The following ABCC6 variants were observed in gnomAD, a reference collection of about 807,000 sequenced individuals.
The protein encoded by ABCC6 is ATP binding cassette subfamily C member 6.
ABCC6 carries 126 observed loss-of-function variants against 169.5 expected under a neutral mutation model. The observed-to-expected ratio is 0.74, with a 90% CI of 0.64 to 0.86. The LOEUF (loss-of-function observed/expected upper bound fraction) is 0.86. Among genes scored for constraint, ABCC6 ranks in the 40% least tolerant of loss-of-function variants. The pLI, the probability that ABCC6 is intolerant of heterozygous loss-of-function variation, is 0.00. For synonymous variants in ABCC6, 752 were observed against 814.7 expected (o/e 0.92, Z 1.31); for missense variants, 1,733 against 1,927.2 (o/e 0.90, Z 1.89).
chr16:16,162,465 C>A (rs145894774), intron 24 of ABCC6, among the ~76,000 whole-genome samples: 5 of 152,330 alleles, frequency 3.3e-5, no homozygotes, highest in Non-Finnish European at 7.3e-5. Context: ...AATTAATCTA[C>A]ATAGATTGCT....
intron 13 of ABCC6, 63 bp downstream of exon 13, chr16:16,188,768 G>A: frequency 6.4e-7 from 1 of 1,565,146 alleles, no homozygotes; most frequent in Non-Finnish European, 8.7e-7. Flanking sequence ...GGGTAGGGAA[G>A]CTGGAGCCAG....
chr16:16,206,739 G>A lies in ABCC6; in HGVS notation c.794+1989C>T, dbSNP rs1024882111. On this transcript the variant is annotated intron_variant, in intron 7 of 30. Transcript: ENST00000205557. ...TTTCTACCCTTTAGTTCTAGTGTTG[G>A]GTGACCTGTAATTTTCATGTTGGCT... 5.3e-5 allele frequency among the ~76,000 whole-genome samples: 8 copies of A among 152,016 alleles called. 1 individual carries two copies. The highest frequency in any genetic ancestry group is 9.7e-5 in the African/African-American group (4 of 41,370).
chr16:16,170,098 GT>G (rs386384362), intron 21 of ABCC6, among the ~76,000 whole-genome samples: 1 of 149,628 alleles, frequency 6.7e-6, no homozygotes, highest in African/African-American at 2.5e-5. Context: ...TTTTTCTTTT[GT>G]TTTTTTTTTG....
chr16:16,159,621 G>A (rs914524231), intron 25 of ABCC6, 38 bp from the exon 26 acceptor site: 1 of 1,591,872 alleles, frequency 6.3e-7, no homozygotes, highest in Non-Finnish European at 8.6e-7. Context: ...GTTTGGCAAG[G>A]CCACTTGAGG....
Position 16,213,152 on chromosome 16 carries a change from ATAGCTCACTGCAGCCTT to A in ABCC6, c.601-923_601-907del, listed in dbSNP as rs1405808717. Among the ~76,000 whole-genome samples the A allele has an allele frequency of 4.0e-5, 6 of 149,548 alleles. No homozygotes were observed. In the South Asian group the frequency reaches 1.3e-3, roughly 32 times the overall value. ...CAGGCTGGAGTGCAATGGTGCAATC[ATAGCTCACTGCAGCCTT>A]TATCTCTTGGATTCAAGCAATCCTC... On this transcript the variant is annotated intron_variant, in intron 5 of 30. Coordinates refer to ENST00000205557, the MANE Select transcript of ABCC6 (RefSeq NM_001171.6).
chr16:16,197,984 G>A (rs769481938), intron 10 of ABCC6, 37 bp downstream of exon 10: 7 of 1,594,064 alleles, frequency 4.4e-6, no homozygotes, highest in Admixed American at 3.4e-5. Flanking sequence ...GGGGGTGGGG[G>A]ACTCCGTTCA....
In ABCC6 at chr16:16,169,698, C is replaced by T. The variant is rs368465318; in HGVS notation, c.2943G>A (p.Gln981=). The T allele has an allele frequency of 3.7e-6, 6 of 1,611,540 alleles. No individual in the cohort carries two copies. The African/African-American group carries it at 8.0e-5, about 21-fold the overall frequency. ...WADDPAVGGQ[Q]TQAALRGGIF... is the part of the protein sequence containing the mutation. ...TCCCGCCACGCAGGGCTGCCTGCGT[C>T]TGCTGCCCACCTACTGCAGGGTCGT... The change falls in exon 22 of 31, where the codon CAG becomes CAA. Residue 981 remains glutamine, a synonymous_variant. Transcript: ENST00000205557.
Position 16,163,197 on chromosome 16 carries a change from G to A in ABCC6, c.3307-5C>T, listed in dbSNP as rs781312345. 23 of 1,612,920 alleles carry A rather than the reference G, an allele frequency of 1.4e-5. No homozygotes were observed. The highest frequency in any genetic ancestry group is 1.8e-5 in the Non-Finnish European group (21 of 1,179,914). On this transcript the variant is annotated splice_region_variant and splice_polypyrimidine_tract_variant and intron_variant, in intron 23 of 30. Coordinates refer to ENST00000205557, the MANE Select transcript of ABCC6 (RefSeq NM_001171.6). ...TGAGCTAACCACATACAGGCTCTGA[G>A]AAGGATGGATGGGAGAGGGAAGAGG... is the stretch of plus-strand genomic sequence containing the variant.
At position 16,184,874 on chromosome 16, in the gene ABCC6, C is replaced by T. The variant is rs2047597040; in HGVS notation, c.1943+85G>A. The T allele has an allele frequency of 9.0e-6, 13 of 1,437,802 alleles. No homozygotes were observed. The Admixed American group carries it at 2.0e-4, about 22-fold the overall frequency. 89.1% of individuals were successfully genotyped at this position (1,437,802 alleles called of 1,614,324 possible). On this transcript the variant is annotated intron_variant, in intron 15 of 30. Coordinates refer to ENST00000205557, the MANE Select transcript of ABCC6 (RefSeq NM_001171.6). Reference sequence around the variant, plus strand: ...CCAGTCCCAGGCTGGAAACCTACACCACCTCTCAGGTGGGAGGCAGCAGGA... The same window carrying T: ...CCAGTCCCAGGCTGGAAACCTACACTACCTCTCAGGTGGGAGGCAGCAGGA...
At chr16:16,187,946 A>T (rs1184284869) in intron 13 of ABCC6, among the ~76,000 whole-genome samples, 1 of 142,706 alleles carries the variant, frequency 7.0e-6, no homozygotes, top group East Asian at 2.1e-4. Flanking sequence ...TAAATAAATA[A>T]GGCGGCCAGG....
chr16:16,174,770 G>A (rs868490428), intron 20 of ABCC6, among the ~76,000 whole-genome samples: 14 of 75,202 alleles, frequency 1.9e-4, no homozygotes, highest in South Asian at 8.0e-4. Context: ...ACCCCCCCCC[G>A]CAAAAAACAA....
Position 16,169,675 on chromosome 16 carries a change from C to G in ABCC6, c.2966G>C (p.Gly989Ala). Residue 989 changes from glycine to alanine, a missense_variant, in exon 22 of 31, where the codon GGG becomes GCG. By Grantham distance (60) the Gly-to-Ala change is moderately conservative. This residue lies in a region of ABCC6 where 1,601 missense variants were observed against 1,635.5 expected (regional missense o/e 0.98). Coordinates refer to ENST00000205557, the MANE Select transcript of ABCC6 (RefSeq NM_001171.6). ...GAGACAGCCGAGGAGCCCGAAGATC[C>G]CGCCACGCAGGGCTGCCTGCGTCTG... The part of the protein sequence containing the change: ...GQQTQAALRG[G>A]IFGLLGCLQA... 6.2e-7 allele frequency: 1 copy of G among 1,611,188 alleles called. No individual in the cohort carries two copies. Among genetic ancestry groups the G allele is most frequent in the South Asian group, 1.1e-5 (1 of 90,914 alleles).
Position 16,175,966 on chromosome 16 carries a change from T to C in ABCC6, c.2611A>G (p.Thr871Ala). The stretch of plus-strand genomic sequence containing the variant: ...GCAGAGGTGCCTCTGGGGTCCTTGG[T>C]GCTGGTCCCAGGTTCTGTTTCTGCA... ...GEGETEPGTS[T>A]KDPRGTSAGR... is the part of the protein sequence containing the mutation. The change falls in exon 20 of 31, where the codon ACC (threonine) becomes GCC (alanine). Residue 871 changes from threonine (T) to alanine (A), a missense_variant. Physicochemically the swap from Thr to Ala is moderately conservative, Grantham distance 58. Transcript: ENST00000205557. 2 of 1,614,118 alleles carry C rather than the reference T, an allele frequency of 1.2e-6. No homozygotes were observed. Among genetic ancestry groups the C allele is most frequent in the Non-Finnish European group, 1.7e-6 (2 of 1,180,026 alleles).
chr16:16,188,407 TAAAAATA>T (rs1343901049), intron 13 of ABCC6, among the ~76,000 whole-genome samples: 5 of 151,500 alleles, frequency 3.3e-5, no homozygotes, highest in Non-Finnish European at 7.4e-5. Flanking sequence ...AATAAATAAA[TAAAAATA>T]AAAAATAAAA....
At position 16,215,974 on chromosome 16, in the gene ABCC6, C is replaced by T. The variant is rs1239740896; in HGVS notation, c.475-1525G>A. Among the ~76,000 whole-genome samples, 5 of 152,214 alleles carry T rather than the reference C, an allele frequency of 3.3e-5. No individual in the cohort carries two copies. In the East Asian group the frequency reaches 7.8e-4, roughly 24 times the overall value. ...TCACTCTGTTGCCCAGGCTGGAGTG[C>T]AGTGGCTTGATTTTGGCTCACTGCA... On this transcript the variant is annotated intron_variant, in intron 4 of 30. Coordinates refer to ENST00000205557, the MANE Select transcript of ABCC6 (RefSeq NM_001171.6).
chr16:16,180,569 T>G (rs548959318), intron 17 of ABCC6, among the ~76,000 whole-genome samples: 2 of 152,282 alleles, frequency 1.3e-5, no homozygotes, highest in African/African-American at 4.8e-5. Context: ...CTCGGCTCAC[T>G]GCAACCTCTG....
At position 16,161,850 on chromosome 16, in the gene ABCC6, G is replaced by A. The variant is rs905277927; in HGVS notation, c.3507-286C>T. On this transcript the variant is annotated intron_variant, in intron 24 of 30. Transcript: ENST00000205557. The stretch of plus-strand genomic sequence containing the variant: ...GCCATGTCCACCTGCCATTCCCCTG[G>A]CCTGAACCATGGCCTCCATGGTTTG... 3.9e-5 allele frequency among the ~76,000 whole-genome samples: 6 copies of A among 152,060 alleles called. 1 individual carries two copies. The highest frequency in any genetic ancestry group is 8.8e-5 in the Non-Finnish European group (6 of 68,012).
At chr16:16,155,361 CATCT>C (rs36010761) in intron 27 of ABCC6, 100,248 of 423,860 alleles carry the variant, frequency 0.24, 14,423 homozygotes, top group South Asian at 0.43. Flanking sequence ...CCATCCCATC[CATCT>C]GTCTGTCCGT....
intron 20 of ABCC6, among the ~76,000 whole-genome samples, 169 bp downstream of exon 20, chr16:16,175,742 C>G (rs2047257088): frequency 6.8e-6 from 1 of 146,942 alleles, no homozygotes; most frequent in Admixed American, 7.0e-5. Context: ...CTAACTGGAC[C>G]AATTTTGGTA....
Sources: allele counts gnomAD v4.1 joint callset (sites outside exome capture counted in the v4.1 genomes callset), GRCh38; gene constraint gnomAD v4.1.1; regional missense constraint gnomAD v4.1.1; transcripts MANE v1.5; gene names NCBI Gene and HGNC (gene_info 2026-07-23, HGNC 2026-07-21).